Variants in CAMKMT observed in about 807,000 individuals in gnomAD.
CAMKMT encodes CaM KMT.
In CAMKMT, 53 loss-of-function variants were observed where a neutral mutation model predicts 48.0. That is an observed-to-expected ratio of 1.10 (90% CI 0.89 to 1.39). The LOEUF (loss-of-function observed/expected upper bound fraction) is 1.39, where lower values mean the gene tolerates loss of function less well. Ranked by LOEUF, CAMKMT falls within the 40% of genes most tolerant of loss-of-function variation. The pLI is 0.00. For synonymous variants in CAMKMT, 165 were observed against 152.3 expected, an observed-to-expected ratio of 1.08 and a Z score of -0.61; for missense variants, 428 against 402.7, an observed-to-expected ratio of 1.06 and a Z score of -0.54.
At chr2:44,604,762 C>T (rs552913717) in intron 3 of CAMKMT, among the ~76,000 whole-genome samples, 12 of 152,082 alleles carry the variant, frequency 7.9e-5, no homozygotes, top group Middle Eastern at 6.8e-3. Flanking sequence ...GGTGCTTATA[C>T]TAAAGGTTTT....
intron 7 of CAMKMT, among the ~76,000 whole-genome samples, chr2:44,732,472 C>T (rs1385230174): frequency 1.3e-5 from 2 of 152,194 alleles, no homozygotes; most frequent in African/African-American, 4.8e-5. Flanking sequence ...CCATCCTTTA[C>T]ATGTCTTCGC....
At chr2:44,506,370 G>A (rs1013959373) in intron 3 of CAMKMT, among the ~76,000 whole-genome samples, 3 of 152,084 alleles carry the variant, frequency 2.0e-5, no homozygotes, top group Non-Finnish European at 4.4e-5. Flanking sequence ...TAAGGATTTT[G>A]TAAATAAAGG....
chr2:44,490,159 T>A (rs947256264), intron 3 of CAMKMT, among the ~76,000 whole-genome samples: 1 of 152,124 alleles, frequency 6.6e-6, no homozygotes, highest in Non-Finnish European at 1.5e-5. Context: ...AAAGGAAAAA[T>A]ATATAGACTT....
intron 3 of CAMKMT, among the ~76,000 whole-genome samples, chr2:44,501,647 A>T (rs991057620): frequency 3.3e-5 from 5 of 152,184 alleles, no homozygotes; most frequent in African/African-American, 7.2e-5. Flanking sequence ...GGGCTCGGAC[A>T]AATTGAAACA....
chr2:44,554,543 C>G (rs1430929492), intron 3 of CAMKMT, among the ~76,000 whole-genome samples: 1 of 152,064 alleles, frequency 6.6e-6, no homozygotes, highest in African/African-American at 2.4e-5. Context: ...CAAGACCAGC[C>G]TGGGCAGCAT....
chr2:44,433,456 C>G (rs941848370), intron 3 of CAMKMT, among the ~76,000 whole-genome samples: 50 of 151,720 alleles, frequency 3.3e-4, no homozygotes, highest in African/African-American at 1.1e-3. Flanking sequence ...TTAGGGTTTT[C>G]ATAAGTTTGT....
At chr2:44,553,234 A>G (rs1296651175) in intron 3 of CAMKMT, among the ~76,000 whole-genome samples, 2 of 152,194 alleles carry the variant, frequency 1.3e-5, no homozygotes, top group Non-Finnish European at 1.5e-5. Context: ...ACATGTGTAG[A>G]TAGCATATGA....
chr2:44,423,468 G>A (rs1684066705), intron 3 of CAMKMT, among the ~76,000 whole-genome samples: 2 of 152,194 alleles, frequency 1.3e-5, no homozygotes, highest in South Asian at 4.1e-4. Context: ...ACAGGCATGA[G>A]CCATCGCGCT....
chr2:44,607,960 C>T (rs921222823), intron 3 of CAMKMT, among the ~76,000 whole-genome samples: 3 of 151,938 alleles, frequency 2.0e-5, no homozygotes, highest in African/African-American at 7.3e-5. Flanking sequence ...CTCCATTCAC[C>T]ACCCTTCTCC....
At chr2:44,443,082 C>G (rs761452392) in intron 3 of CAMKMT, among the ~76,000 whole-genome samples, 27 of 152,124 alleles carry the variant, frequency 1.8e-4, no homozygotes, top group Non-Finnish European at 2.6e-4. Flanking sequence ...AAATATAGTT[C>G]TTTGAACTCC....
intron 1 of CAMKMT, among the ~76,000 whole-genome samples, chr2:44,363,819 T>C (rs543153579): frequency 6.6e-6 from 1 of 150,762 alleles, no homozygotes; most frequent in Non-Finnish European, 1.5e-5. Context: ...GCCTTCCGAA[T>C]AGCTGGGATT....
At chr2:44,457,458 G>T (rs1345892688) in intron 3 of CAMKMT, among the ~76,000 whole-genome samples, 3 of 150,778 alleles carry the variant, frequency 2.0e-5, no homozygotes, top group Admixed American at 2.0e-4. Context: ...GAGTGCAGTG[G>T]CATGATCTTG....
chr2:44,680,750 T>C (rs756456287), intron 3 of CAMKMT, among the ~76,000 whole-genome samples: 2 of 152,182 alleles, frequency 1.3e-5, no homozygotes, highest in Admixed American at 6.5e-5. Flanking sequence ...TTCTGATTGC[T>C]GTTGACTCAT....
In CAMKMT at chr2:44,383,847, T is replaced by C. The variant is rs527254382; in HGVS notation, c.312-6394T>C. ...TAGTATTCCATTGTATATATATATATACCACAGTTTCTTTATCCACTCGTT... is the reference window on the plus strand; with the variant it reads ...TAGTATTCCATTGTATATATATATACACCACAGTTTCTTTATCCACTCGTT... On this transcript the variant is annotated intron_variant, in intron 2 of 10. Coordinates refer to ENST00000378494, the MANE Select transcript of CAMKMT (RefSeq NM_024766.5). Among the ~76,000 whole-genome samples, 4 of 152,290 alleles carry C rather than the reference T, an allele frequency of 2.6e-5. No homozygotes were observed. The South Asian group carries it at 6.2e-4, about 24-fold the overall frequency.
chr2:44,698,586 C>T (rs1354174974), intron 3 of CAMKMT, among the ~76,000 whole-genome samples: 1 of 152,198 alleles, frequency 6.6e-6, no homozygotes, highest in Non-Finnish European at 1.5e-5. Flanking sequence ...CTAAAAAATA[C>T]TAATGATTAT....
intron 3 of CAMKMT, among the ~76,000 whole-genome samples, chr2:44,692,124 A>G (rs1676687874): frequency 6.6e-6 from 1 of 152,180 alleles, no homozygotes; most frequent in Admixed American, 6.5e-5. Flanking sequence ...GTTTGTTTTG[A>G]TTTTGTGGGT....
chr2:44,507,073 C>CT (rs11379200), intron 3 of CAMKMT, among the ~76,000 whole-genome samples: 98,022 of 149,268 alleles, frequency 0.66, 32,387 homozygotes, highest in Middle Eastern at 0.71. Context: ...TTTGTGCAAT[C>CT]TTTTTTTTTT....
chr2:44,648,961 C>G (rs1052637297), intron 3 of CAMKMT, among the ~76,000 whole-genome samples: 1 of 152,186 alleles, frequency 6.6e-6, no homozygotes, highest in African/African-American at 2.4e-5. Context: ...AAAAAGTCAT[C>G]TAGAGCTGCC....
chr2:44,659,006 ATGTTGTTAGC>A, intron 3 of CAMKMT, among the ~76,000 whole-genome samples: 1 of 147,216 alleles, frequency 6.8e-6, no homozygotes, highest in Non-Finnish European at 1.5e-5. Context: ...CTTTCATCCC[ATGTTGTTAGC>A]TGTTGGTCCT....
Sources: gnomAD v4.1 joint callset for allele counts (sites outside exome capture counted in the v4.1 genomes callset) on GRCh38, gnomAD v4.1.1 for gene constraint, MANE v1.5 for transcripts, NCBI Gene and HGNC (gene_info 2026-07-23, HGNC 2026-07-21) for gene names.